Variants in STX18 observed in about 807,000 individuals in gnomAD.
STX18 encodes the protein syntaxin 18, also known as syntaxin-18.
Under a neutral mutation model 50.1 loss-of-function variants are expected in STX18, and 40 were observed. The observed-to-expected ratio is 0.80, with a 90% CI of 0.62 to 1.04. The LOEUF is 1.04. Among genes scored for constraint, STX18 ranks in the 50% least tolerant of loss-of-function variants. The pLI is 0.00. For missense variants in STX18, 410 were observed against 415.8 expected (o/e 0.99, Z 0.12); for synonymous variants, 158 against 151.8 (o/e 1.04, Z -0.30).
chr4:4,438,420 T>C lies in STX18; in HGVS notation c.587A>G (p.Glu196Gly), dbSNP rs376948946. ...TGGACGTTCTTCAGTGGCAGGGTTT[T>C]CTTCAGAGTCTTTTGAAGGACTCTG... ...VSQSPSKDSEENPATEERPEK... is the reference protein window; with the variant it reads ...VSQSPSKDSEGNPATEERPEK... Residue 196 changes from glutamate (E) to glycine (G), a missense_variant, in exon 6 of 11, where the codon GAA becomes GGA. By Grantham distance (98) the Glu-to-Gly change is moderately conservative. Transcript: ENST00000306200. 1.1e-4 allele frequency: 176 copies of C among 1,613,290 alleles called. No individual in the cohort carries two copies. Among genetic ancestry groups the C allele is most frequent in the Non-Finnish European group, 1.4e-4 (171 of 1,179,660 alleles).
intron 5 of STX18, among the ~76,000 whole-genome samples, chr4:4,448,001 G>C (rs1255558903): frequency 6.6e-6 from 1 of 152,314 alleles, no homozygotes; most frequent in Middle Eastern, 3.4e-3. Flanking sequence ...ACTAGCTGCT[G>C]ATCTTCTGAA....
At chr4:4,525,627 A>G (rs1425477806) in intron 1 of STX18, among the ~76,000 whole-genome samples, 3 of 152,220 alleles carry the variant, frequency 2.0e-5, no homozygotes, top group Non-Finnish European at 4.4e-5. Flanking sequence ...TGGGTACAAG[A>G]GCCACTGTGC....
At chr4:4,501,003 C>T (rs578258079) in intron 1 of STX18, among the ~76,000 whole-genome samples, 4 of 152,134 alleles carry the variant, frequency 2.6e-5, no homozygotes, top group Non-Finnish European at 5.9e-5. Context: ...CGCCATTGCA[C>T]TCCAGCTGGG....
At chr4:4,443,450 T>C (rs986446275) in intron 5 of STX18, among the ~76,000 whole-genome samples, 7 of 152,244 alleles carry the variant, frequency 4.6e-5, no homozygotes, top group Admixed American at 1.3e-4. Flanking sequence ...CATCATACTT[T>C]ATGATGAAAG....
chr4:4,431,224 T>G (rs1482845692), intron 7 of STX18, among the ~76,000 whole-genome samples: 1 of 152,180 alleles, frequency 6.6e-6, no homozygotes, highest in Non-Finnish European at 1.5e-5. Context: ...GGTAAACTCT[T>G]CTTAAATACA....
chr4:4,496,226 C>G (rs1425893989), intron 1 of STX18, among the ~76,000 whole-genome samples: 7 of 152,108 alleles, frequency 4.6e-5, no homozygotes, highest in African/African-American at 1.7e-4. Flanking sequence ...AATAGCAACG[C>G]CAGTGGTAAG....
intron 5 of STX18, among the ~76,000 whole-genome samples, chr4:4,452,790 G>A (rs1010378886): frequency 2.0e-4 from 30 of 152,320 alleles, no homozygotes; most frequent in African/African-American, 7.2e-4. Flanking sequence ...AAAACCTTCT[G>A]AAAAGGTTTC....
intron 1 of STX18, among the ~76,000 whole-genome samples, chr4:4,521,687 T>A (rs543187975): frequency 6.6e-6 from 1 of 152,100 alleles, no homozygotes. Context: ...AAAATACAAC[T>A]TAGCAATTCA....
chr4:4,426,841 G>A (rs1474737466), intron 7 of STX18, among the ~76,000 whole-genome samples: 2 of 152,142 alleles, frequency 1.3e-5, no homozygotes, highest in African/African-American at 2.4e-5. Context: ...CTACAGATCA[G>A]GTCTAGGGCA....
intron 1 of STX18, among the ~76,000 whole-genome samples, chr4:4,486,652 C>A (rs547935406): frequency 6.6e-6 from 1 of 152,224 alleles, no homozygotes; most frequent in Non-Finnish European, 1.5e-5. Context: ...TAGGAAGTGT[C>A]GGAGCTGTAT....
At chr4:4,484,336 C>T (rs1728608039) in intron 1 of STX18, among the ~76,000 whole-genome samples, 1 of 152,198 alleles carries the variant, frequency 6.6e-6, no homozygotes, top group African/African-American at 2.4e-5. Flanking sequence ...TCCCTTGTTC[C>T]AGACTCTGGG....
At chr4:4,430,034 T>C (rs1725446015) in intron 7 of STX18, among the ~76,000 whole-genome samples, 1 of 152,246 alleles carries the variant, frequency 6.6e-6, no homozygotes, top group Admixed American at 6.5e-5. Context: ...TGATGTAACT[T>C]TGGAAAACAA....
At chr4:4,507,071 G>C (rs1236279093) in intron 1 of STX18, 6 of 523,014 alleles carry the variant, frequency 1.1e-5, no homozygotes, top group South Asian at 7.3e-5. Context: ...GCTCAGCAAG[G>C]AGAAGGCCAT....
intron 3 of STX18, among the ~76,000 whole-genome samples, chr4:4,458,159 T>A (rs1228103465): frequency 3.3e-5 from 5 of 152,346 alleles, no homozygotes; most frequent in African/African-American, 9.6e-5. Context: ...TGCTAGTAAT[T>A]ACAATAGCAA....
chr4:4,427,284 T>G (rs1725297900), intron 7 of STX18, among the ~76,000 whole-genome samples: 1 of 152,250 alleles, frequency 6.6e-6, no homozygotes, highest in African/African-American at 2.4e-5. Context: ...GAAAGCTCCC[T>G]GCAGGACCAA....
intron 5 of STX18, among the ~76,000 whole-genome samples, chr4:4,456,263 CA>C (rs199790349): frequency 6.8e-6 from 1 of 146,854 alleles, no homozygotes; most frequent in Non-Finnish European, 1.5e-5. Context: ...GTCTCAAAAA[CA>C]AAAAAAACAA....
At chr4:4,505,619 A>G (rs1339566206) in intron 1 of STX18, among the ~76,000 whole-genome samples, 1 of 143,336 alleles carries the variant, frequency 7.0e-6, no homozygotes, top group Non-Finnish European at 1.5e-5. Context: ...ATCTCTGCTA[A>G]AAATAAAAAA....
chr4:4,443,827 A>C (rs1726248328), intron 5 of STX18, among the ~76,000 whole-genome samples: 1 of 152,218 alleles, frequency 6.6e-6, no homozygotes, highest in Non-Finnish European at 1.5e-5. Flanking sequence ...GCATTTGAAA[A>C]AGTCAAGATC....
intron 1 of STX18, chr4:4,476,144 T>G (rs1400687374): frequency 6.6e-6 from 1 of 152,194 alleles, no homozygotes; most frequent in Non-Finnish European, 1.5e-5. Context: ...AGACTGATGG[T>G]CTATCATGGA....
Sources: gnomAD v4.1 joint callset for allele counts (sites outside exome capture counted in the v4.1 genomes callset) on GRCh38, gnomAD v4.1.1 for gene constraint, MANE v1.5 for transcripts, NCBI Gene and HGNC (gene_info 2026-07-23, HGNC 2026-07-21) for gene names.